CHN2: variants seen among roughly 807,000 people sequenced by gnomAD.
CHN2 encodes beta-chimaerin.
CHN2 carries 35 observed loss-of-function variants against 56.3 expected under a neutral mutation model. The ratio of observed to expected loss-of-function variants is 0.62; its 90% CI spans 0.47 to 0.82. The LOEUF (loss-of-function observed/expected upper bound fraction) is 0.82, where lower values mean the gene tolerates loss of function less well. CHN2 is among the 40% of genes least tolerant of loss of function. The pLI is 0.00. For synonymous variants in CHN2, 210 were observed against 212.8 expected (o/e 0.99, Z 0.12); for missense variants, 491 against 580.5 (o/e 0.85, Z 1.58).
intron 1 of CHN2, among the ~76,000 whole-genome samples, chr7:29,290,254 C>A (rs1792490287): frequency 6.6e-6 from 1 of 152,224 alleles, no homozygotes; most frequent in African/African-American, 2.4e-5. Flanking sequence ...AACAGATGTT[C>A]TGGCTATATT....
At chr7:29,293,938 C>T (rs1792901066) in intron 1 of CHN2, among the ~76,000 whole-genome samples, 1 of 140,108 alleles carries the variant, frequency 7.1e-6, no homozygotes, top group Admixed American at 7.8e-5. Flanking sequence ...GCGATCTCGG[C>T]TCACTGCAAG....
At chr7:29,370,803 A>G (rs904299284) in intron 3 of CHN2, among the ~76,000 whole-genome samples, 3 of 152,226 alleles carry the variant, frequency 2.0e-5, no homozygotes, top group African/African-American at 7.2e-5. Flanking sequence ...ACAGATACCA[A>G]CTACTTAGTA....
intron 1 of CHN2, chr7:29,212,910 A>G (rs1785062660): frequency 2.5e-6 from 4 of 1,599,150 alleles, no homozygotes; most frequent in African/African-American, 2.7e-5. Context: ...GGAACAATTC[A>G]TCCTGGAGCA....
intron 2 of CHN2, among the ~76,000 whole-genome samples, chr7:29,188,862 G>A (rs1799038402): frequency 6.6e-6 from 1 of 151,562 alleles, no homozygotes; most frequent in South Asian, 2.1e-4. Flanking sequence ...TTAAAAATTT[G>A]TCCCAGTTGA....
chr7:29,353,037 T>A (rs573664310), intron 1 of CHN2, among the ~76,000 whole-genome samples: 1 of 152,350 alleles, frequency 6.6e-6, no homozygotes, highest in African/African-American at 2.4e-5. Context: ...CCAGTTTGAA[T>A]AACATGGTAA....
chr7:29,430,682 C>A (rs1424012903), intron 6 of CHN2, among the ~76,000 whole-genome samples: 2 of 151,502 alleles, frequency 1.3e-5, no homozygotes, highest in East Asian at 3.9e-4. Context: ...AGATGAGACA[C>A]CTTTAGGCCA....
At chr7:29,259,833 T>A (rs1204966827) in intron 1 of CHN2, among the ~76,000 whole-genome samples, 1 of 152,154 alleles carries the variant, frequency 6.6e-6, no homozygotes, top group East Asian at 1.9e-4. Flanking sequence ...ACATCATACA[T>A]CTTGAATATA....
chr7:29,406,246 A>G (rs1802641587), intron 6 of CHN2, among the ~76,000 whole-genome samples: 1 of 152,186 alleles, frequency 6.6e-6, no homozygotes, highest in Non-Finnish European at 1.5e-5. Context: ...AAGGCATCCC[A>G]GGGAGAGGAG....
chr7:29,475,263 C>CT (rs1786497659), intron 6 of CHN2, among the ~76,000 whole-genome samples: 1 of 152,134 alleles, frequency 6.6e-6, no homozygotes, highest in South Asian at 2.1e-4. Flanking sequence ...AAGTGGTGAG[C>CT]TTATGTCACC....
intron 1 of CHN2, among the ~76,000 whole-genome samples, chr7:29,239,772 C>CA (rs1787508753): frequency 6.6e-6 from 1 of 151,994 alleles, no homozygotes; most frequent in East Asian, 1.9e-4. Flanking sequence ...GCATAGTGCT[C>CA]AGAGAGTTGA....
intron 1 of CHN2, among the ~76,000 whole-genome samples, chr7:29,240,912 G>T (rs1218615646): frequency 2.0e-5 from 3 of 146,920 alleles, no homozygotes; most frequent in Non-Finnish European, 3.0e-5. Context: ...TCTTCTTCTA[G>T]TCTCACTGTG....
rs752822535 is a variant in CHN2 at position 29,483,959 on chromosome 7, G to A, written c.654+3603G>A. The A allele has an allele frequency of 4.7e-5, 49 of 1,032,486 alleles. 1 individual carries two copies. Among genetic ancestry groups the A allele is most frequent in the African/African-American group, 1.7e-5 (1 of 60,448 alleles). The allele number at this position is 1,032,486 out of a possible 1,614,324, so 64.0% of individuals were successfully genotyped here. A position where few individuals can be genotyped will look rare whatever the true frequency, so the allele number is the denominator to read the frequency against. Reference sequence around the variant, plus strand: ...AAAGAATACATGCGAGTCACTTATCGTGGTCTCTGGCACCCAGTAAGTATT... The same window carrying A: ...AAAGAATACATGCGAGTCACTTATCATGGTCTCTGGCACCCAGTAAGTATT... On this transcript the variant is annotated intron_variant, in intron 7 of 12. Transcript: ENST00000222792.
At chr7:29,488,710 G>T (rs1246312353) in intron 7 of CHN2, among the ~76,000 whole-genome samples, 1 of 152,042 alleles carries the variant, frequency 6.6e-6, no homozygotes, top group African/African-American at 2.4e-5. Flanking sequence ...ACCCCTGGGG[G>T]ACATTTGTCA....
chr7:29,379,862 C>T (rs968708760), intron 3 of CHN2, among the ~76,000 whole-genome samples: 4 of 152,104 alleles, frequency 2.6e-5, no homozygotes, highest in Non-Finnish European at 5.9e-5. Context: ...TAGTTGAAAG[C>T]AAGGACAAGC....
chr7:29,311,963 A>G (rs1409694450), intron 1 of CHN2, among the ~76,000 whole-genome samples: 4 of 152,186 alleles, frequency 2.6e-5, no homozygotes, highest in Non-Finnish European at 5.9e-5. Context: ...TGATTGAGGT[A>G]ATATTTAGAT....
intron 6 of CHN2, among the ~76,000 whole-genome samples, chr7:29,417,723 G>T (rs1467824426): frequency 2.6e-5 from 4 of 152,164 alleles, no homozygotes; most frequent in Non-Finnish European, 4.4e-5. Flanking sequence ...AACACAGTTT[G>T]CAAGTTTTAG....
chr7:29,311,902 A>AG (rs1355191784), intron 1 of CHN2, among the ~76,000 whole-genome samples: 2 of 152,198 alleles, frequency 1.3e-5, no homozygotes, highest in East Asian at 1.9e-4. Flanking sequence ...ATAATGGAGG[A>AG]GGGGGGTGAC....
intron 1 of CHN2, among the ~76,000 whole-genome samples, chr7:29,302,876 A>G (rs1793810242): frequency 6.6e-6 from 1 of 152,088 alleles, no homozygotes; most frequent in Non-Finnish European, 1.5e-5. Flanking sequence ...GGCTTATTTC[A>G]TTTGGCATAT....
At chr7:29,174,732 C>T (rs1003382922) in intron 2 of CHN2, among the ~76,000 whole-genome samples, 2 of 151,950 alleles carry the variant, frequency 1.3e-5, no homozygotes, top group African/African-American at 2.4e-5. Context: ...CGGTGGCACA[C>T]ACCTGTAATC....
Sources: gnomAD v4.1 joint callset for allele counts (sites outside exome capture counted in the v4.1 genomes callset) on GRCh38, gnomAD v4.1.1 for gene constraint, MANE v1.5 for transcripts, NCBI Gene and HGNC (gene_info 2026-07-23, HGNC 2026-07-21) for gene names.